Variants in SPOCK1 observed in about 807,000 individuals in gnomAD.
SPOCK1 encodes SPARC (osteonectin), cwcv and kazal like domains proteoglycan 1.
A neutral mutation model predicts 55.3 loss-of-function variants in SPOCK1; 23 were observed. The ratio of observed to expected loss-of-function variants is 0.42; its 90% confidence interval spans 0.30 to 0.59. SPOCK1 has a LOEUF of 0.59. Among genes scored for constraint, SPOCK1 ranks in the 20% least tolerant of loss-of-function variants. The pLI is 0.22. For synonymous variants in SPOCK1, 226 were observed against 221.0 expected (o/e 1.02, Z -0.20); for missense variants, 499 against 552.5 (o/e 0.90, Z 0.97).
At chr5:137,483,351 A>G (rs1349787926) in intron 2 of SPOCK1, among the ~76,000 whole-genome samples, 1 of 152,180 alleles carries the variant, frequency 6.6e-6, no homozygotes, top group African/African-American at 2.4e-5. Context: ...ATAAAAAATA[A>G]AAAGTAATGT....
At chr5:137,142,619 GA>G (rs1754120940) in intron 3 of SPOCK1, among the ~76,000 whole-genome samples, 1 of 152,222 alleles carries the variant, frequency 6.6e-6, no homozygotes, top group African/African-American at 2.4e-5. Flanking sequence ...AGATAAAAGA[GA>G]GGCTGATTTG....
At chr5:137,081,101 C>T (rs1399722850) in intron 5 of SPOCK1, among the ~76,000 whole-genome samples, 1 of 152,260 alleles carries the variant, frequency 6.6e-6, no homozygotes, top group African/African-American at 2.4e-5. Context: ...CTCTGCAGAT[C>T]AGCCTTCTGA....
At chr5:137,266,261 T>G (rs1218482058) in intron 3 of SPOCK1, among the ~76,000 whole-genome samples, 1 of 152,194 alleles carries the variant, frequency 6.6e-6, no homozygotes, top group African/African-American at 2.4e-5. Context: ...GGTAATACTG[T>G]TTCATTGTGT....
intron 2 of SPOCK1, among the ~76,000 whole-genome samples, chr5:137,356,873 A>AGAGAGAGAGATAGAGT (rs796667572): frequency 1.4e-5 from 1 of 69,824 alleles, no homozygotes; most frequent in Non-Finnish European, 2.7e-5. Context: ...AGAGAGAGAG[A>AGAGAGAGAGATAGAGT]GAGTATGCAG....
rs189705301 is a variant in SPOCK1, at chr5:136,994,024, G to C, written c.590-1424C>G. Among the ~76,000 whole-genome samples, 222 of 152,144 alleles carry C rather than the reference G, an allele frequency of 1.5e-3. 1 individual carries two copies. Among genetic ancestry groups the C allele is most frequent in the Non-Finnish European group, 2.8e-3 (188 of 68,000 alleles). ...TCACCCTAAGGCTTGATGGAGAACC[G>C]AGCTTCCCAGAGCTCAGGCAGAAAA... is the stretch of plus-strand genomic sequence containing the variant. On this transcript the variant is annotated intron_variant, in intron 6 of 10. Coordinates refer to ENST00000394945, the MANE Select transcript of SPOCK1 (RefSeq NM_004598.4).
intron 3 of SPOCK1, among the ~76,000 whole-genome samples, chr5:137,246,557 C>T (rs1460290662): frequency 6.6e-6 from 1 of 152,202 alleles, no homozygotes; most frequent in Non-Finnish European, 1.5e-5. Flanking sequence ...CTTCCACTGC[C>T]ATCTCCACAT....
chr5:136,987,417 C>CCTAA (rs1456404465), intron 8 of SPOCK1, among the ~76,000 whole-genome samples: 1 of 152,082 alleles, frequency 6.6e-6, no homozygotes, highest in Admixed American at 6.6e-5. Context: ...AGATGTTCAA[C>CCTAA]CTAACTCATA....
chr5:137,143,966 C>T (rs1185407654), intron 3 of SPOCK1, among the ~76,000 whole-genome samples: 2 of 152,178 alleles, frequency 1.3e-5, no homozygotes, highest in African/African-American at 2.4e-5. Flanking sequence ...TTGCGGGGCT[C>T]ACCTCATGCC....
chr5:137,319,151 C>A (rs1166979021), intron 2 of SPOCK1, among the ~76,000 whole-genome samples: 1 of 152,188 alleles, frequency 6.6e-6, no homozygotes, highest in Admixed American at 6.5e-5. Flanking sequence ...GGTTATGGAG[C>A]CTGTTTGAGA....
At chr5:137,316,108 G>A (rs139399458) in intron 2 of SPOCK1, among the ~76,000 whole-genome samples, 1 of 152,336 alleles carries the variant, frequency 6.6e-6, no homozygotes, top group East Asian at 1.9e-4. Flanking sequence ...CAAGATTGAA[G>A]TGATAGCATC....
intron 2 of SPOCK1, among the ~76,000 whole-genome samples, chr5:137,401,695 G>T (rs1036092051): frequency 2.0e-5 from 3 of 152,048 alleles, no homozygotes; most frequent in South Asian, 2.1e-4. Context: ...CAGTGAGCAT[G>T]ATCTCACCAC....
chr5:137,250,175 C>T (rs1392086485), intron 3 of SPOCK1, among the ~76,000 whole-genome samples: 1 of 152,186 alleles, frequency 6.6e-6, no homozygotes, highest in East Asian at 1.9e-4. Context: ...TAAAATGCAG[C>T]CACACCCACT....
At chr5:137,383,750 T>C (rs1374920448) in intron 2 of SPOCK1, among the ~76,000 whole-genome samples, 3 of 152,246 alleles carry the variant, frequency 2.0e-5, no homozygotes, top group Non-Finnish European at 2.9e-5. Context: ...CATCCTTGCA[T>C]TGACAGTCTT....
chr5:137,034,326 C>T (rs558659823), intron 6 of SPOCK1, among the ~76,000 whole-genome samples: 3 of 152,154 alleles, frequency 2.0e-5, no homozygotes, highest in Admixed American at 2.0e-4. Context: ...TGGGGTCCTA[C>T]CAGGTGCCAA....
At chr5:137,002,696 A>T (rs1209041090) in intron 6 of SPOCK1, among the ~76,000 whole-genome samples, 1 of 152,198 alleles carries the variant, frequency 6.6e-6, no homozygotes, top group Non-Finnish European at 1.5e-5. Flanking sequence ...CAGAAATGAC[A>T]ACTGCTGTTC....
chr5:137,006,304 C>G (rs1751245406), intron 6 of SPOCK1, among the ~76,000 whole-genome samples: 1 of 152,156 alleles, frequency 6.6e-6, no homozygotes, highest in African/African-American at 2.4e-5. Flanking sequence ...GCGGTATGGC[C>G]ATTTTCACCA....
chr5:137,467,479 T>C (rs1423194959), intron 2 of SPOCK1, among the ~76,000 whole-genome samples: 6 of 152,070 alleles, frequency 3.9e-5, no homozygotes, highest in African/African-American at 1.2e-4. Flanking sequence ...TTAAAGAAAA[T>C]AGACATACCT....
chr5:137,462,822 G>A (rs1435939590), intron 2 of SPOCK1, among the ~76,000 whole-genome samples: 1 of 152,220 alleles, frequency 6.6e-6, no homozygotes, highest in Non-Finnish European at 1.5e-5. Flanking sequence ...ATGCTGAATA[G>A]TATCTCAGAG....
At chr5:137,043,619 T>G (rs1350533436) in intron 6 of SPOCK1, among the ~76,000 whole-genome samples, 1 of 152,210 alleles carries the variant, frequency 6.6e-6, no homozygotes, top group Non-Finnish European at 1.5e-5. Context: ...CAATGACACT[T>G]GTGCTGATTC....
Sources: allele counts gnomAD v4.1 joint callset (sites outside exome capture counted in the v4.1 genomes callset), GRCh38; gene constraint gnomAD v4.1.1; transcripts MANE v1.5; gene names NCBI Gene and HGNC (gene_info 2026-07-23, HGNC 2026-07-21).